FAF2: variants seen among roughly 807,000 people sequenced by gnomAD.
FAF2 encodes the protein Fas associated factor family member 2.
FAF2 carries 9 observed loss-of-function variants against 62.3 expected under a neutral mutation model. The ratio of observed to expected loss-of-function variants is 0.14; its 90% CI spans 0.09 to 0.25. FAF2 has a LOEUF of 0.25. Ranked by LOEUF, FAF2 falls within the 10% of genes least tolerant of loss-of-function variation. The pLI is 1.00. For missense variants in FAF2, 368 were observed against 556.2 expected, an observed-to-expected ratio of 0.66 and a Z score of 3.40; for synonymous variants, 202 against 198.0, an observed-to-expected ratio of 1.02 and a Z score of -0.17.
intron 1 of FAF2, among the ~76,000 whole-genome samples, chr5:176,471,776 G>A (rs1057413794): frequency 3.4e-5 from 5 of 145,898 alleles, no homozygotes; most frequent in South Asian, 2.3e-4. Context: ...AACCACCTCC[G>A]CCCCCCGGGT....
intron 1 of FAF2, among the ~76,000 whole-genome samples, chr5:176,472,783 G>A (rs959419278): frequency 2.6e-5 from 4 of 151,750 alleles, no homozygotes; most frequent in Non-Finnish European, 4.4e-5. Context: ...GGCTCATATG[G>A]TTCTTATACA....
At chr5:176,474,801 C>T (rs1758659350) in intron 1 of FAF2, among the ~76,000 whole-genome samples, 1 of 152,140 alleles carries the variant, frequency 6.6e-6, no homozygotes, top group South Asian at 2.1e-4. Context: ...GTATTTTCTT[C>T]AGTATGTGTG....
At chr5:176,449,404 G>A (rs1425456228) in intron 1 of FAF2, among the ~76,000 whole-genome samples, 1 of 152,188 alleles carries the variant, frequency 6.6e-6, no homozygotes, top group East Asian at 1.9e-4. Context: ...GTGAAACCCC[G>A]TCTCTACTAA....
chr5:176,496,151 G>A (rs1485644816), intron 7 of FAF2, among the ~76,000 whole-genome samples: 1 of 152,114 alleles, frequency 6.6e-6, no homozygotes, highest in Non-Finnish European at 1.5e-5. Flanking sequence ...CCTAGGGATA[G>A]GCATGCAAAT....
intron 5 of FAF2, 39 bp downstream of exon 5, chr5:176,492,371 A>G: frequency 6.3e-7 from 1 of 1,582,672 alleles, no homozygotes; most frequent in Non-Finnish European, 8.6e-7. Context: ...ACTTACCGAA[A>G]TGATTCTATC....
At chr5:176,481,385 C>T (rs1390071413) in intron 2 of FAF2, among the ~76,000 whole-genome samples, 6 of 152,110 alleles carry the variant, frequency 3.9e-5, no homozygotes, top group Non-Finnish European at 7.4e-5. Context: ...GGGCCGGGCG[C>T]GGTGGCTCAC....
intron 1 of FAF2, among the ~76,000 whole-genome samples, chr5:176,454,577 GA>G (rs56324116): frequency 8.5e-3 from 805 of 94,840 alleles, no homozygotes; most frequent in Middle Eastern, 0.023. Context: ...GATTCTGTCT[GA>G]AAAAAAAAAA....
intron 1 of FAF2, among the ~76,000 whole-genome samples, chr5:176,460,550 G>A (rs1052489495): frequency 1.3e-5 from 2 of 149,238 alleles, no homozygotes; most frequent in African/African-American, 5.1e-5. Context: ...GTGTGTGTGT[G>A]TGTATTTTTT....
chr5:176,500,113 A>G lies in FAF2; in HGVS notation c.1122A>G (p.Val374=). ...TCAAATTACCTAATGATTCTCGAGT[A>G]GAGAGACGATTCCACTTTTCACAGT... ...IIFKLPNDSR[V]ERRFHFSQSL... Residue 374 remains valine (V), a synonymous_variant, in exon 10 of 11, where the codon GTA becomes GTG. Transcript: ENST00000261942. 6.2e-7 allele frequency: 1 copy of G among 1,614,194 alleles called. No individual in the cohort carries two copies. The highest frequency in any genetic ancestry group is 8.5e-7 in the Non-Finnish European group (1 of 1,180,022).
At chr5:176,450,025 T>G (rs1758135999) in intron 1 of FAF2, among the ~76,000 whole-genome samples, 1 of 152,232 alleles carries the variant, frequency 6.6e-6, no homozygotes, top group African/African-American at 2.4e-5. Context: ...GGCTTCTGAC[T>G]TCTGTCTTGT....
intron 3 of FAF2, 59 bp downstream of exon 3, chr5:176,486,548 TTA>T: frequency 6.5e-7 from 1 of 1,548,140 alleles, no homozygotes; most frequent in Non-Finnish European, 8.9e-7. Flanking sequence ...ATCCACTTGG[TTA>T]TATTGATCTC....
chr5:176,501,723 A>ATT (rs1755593736), intron 10 of FAF2, among the ~76,000 whole-genome samples: 1 of 152,050 alleles, frequency 6.6e-6, no homozygotes, highest in East Asian at 1.9e-4. Flanking sequence ...TCATTTATGC[A>ATT]TTTATTTATA....
intron 2 of FAF2, among the ~76,000 whole-genome samples, chr5:176,485,191 AT>A (rs1313270247): frequency 6.6e-6 from 1 of 152,230 alleles, no homozygotes; most frequent in Non-Finnish European, 1.5e-5. Flanking sequence ...CTTGGAACAT[AT>A]CCCTGTGGAT....
chr5:176,448,728 C>T (rs1424061337), intron 1 of FAF2, among the ~76,000 whole-genome samples: 1 of 152,158 alleles, frequency 6.6e-6, no homozygotes, highest in Admixed American at 6.5e-5. Context: ...CCTGGTTTGC[C>T]TTAGCGGCGT....
chr5:176,462,923 T>C (rs1290470205), intron 1 of FAF2, among the ~76,000 whole-genome samples: 1 of 152,182 alleles, frequency 6.6e-6, no homozygotes, highest in South Asian at 2.1e-4. Context: ...TTCGCTATAG[T>C]GTTTTTCACA....
intron 5 of FAF2, among the ~76,000 whole-genome samples, chr5:176,493,560 G>A (rs1759012103): frequency 6.6e-6 from 1 of 152,206 alleles, no homozygotes; most frequent in Admixed American, 6.5e-5. Flanking sequence ...TATGTGGCCT[G>A]GGATCAGGGT....
At chr5:176,505,648 T>C (rs1011677299) in intron 10 of FAF2, among the ~76,000 whole-genome samples, 15 of 152,182 alleles carry the variant, frequency 9.9e-5, no homozygotes, top group Non-Finnish European at 1.6e-4. Context: ...CAAAGTCCAT[T>C]GTATCATTCT....
intron 1 of FAF2, among the ~76,000 whole-genome samples, chr5:176,455,139 T>G (rs1758260085): frequency 6.6e-6 from 1 of 152,118 alleles, no homozygotes; most frequent in Non-Finnish European, 1.5e-5. Context: ...TAGGGAGAAA[T>G]CATTGAGATA....
intron 3 of FAF2, among the ~76,000 whole-genome samples, chr5:176,487,337 C>A (rs971793397): frequency 6.6e-6 from 1 of 152,118 alleles, no homozygotes; most frequent in Non-Finnish European, 1.5e-5. Flanking sequence ...GTGTGCGCCA[C>A]CATCCTGGTT....
Sources: gnomAD v4.1 joint callset for allele counts (sites outside exome capture counted in the v4.1 genomes callset) on GRCh38, gnomAD v4.1.1 for gene constraint, MANE v1.5 for transcripts, NCBI Gene and HGNC (gene_info 2026-07-23, HGNC 2026-07-21) for gene names.